Variants in APOB observed in about 807,000 individuals in gnomAD.
APOB encodes apolipoprotein B-100.
Under a neutral mutation model 314.1 loss-of-function variants are expected in APOB, and 153 were observed. That is an observed-to-expected ratio of 0.49 (90% CI 0.43 to 0.56). The LOEUF (loss-of-function observed/expected upper bound fraction) is 0.56. APOB is among the 20% of genes least tolerant of loss of function. The pLI is 0.00. For synonymous variants in APOB, 2,087 were observed against 2,036.4 expected, an observed-to-expected ratio of 1.02 and a Z score of -0.67; for missense variants, 5,430 against 5,350.7, an observed-to-expected ratio of 1.01 and a Z score of -0.46.
rs578011730 is a variant in APOB at position 21,016,699 on chromosome 2, T to C, written c.3122-50A>G. On this transcript the variant is annotated intron_variant, in intron 20 of 28. Coordinates refer to ENST00000233242, the MANE Select transcript of APOB (RefSeq NM_000384.3). The stretch of plus-strand genomic sequence containing the variant: ...AGAGATGTGTGGTAAGAAGCTATGT[T>C]TTGGGCCGGGTGCGGTGGCTCACAC... The C allele has an allele frequency of 4.2e-5, 55 of 1,323,274 alleles. No homozygotes were observed. The South Asian group carries it at 6.0e-4, about 14-fold the overall frequency. The allele number at this position is 1,323,274 out of a possible 1,614,324, so 82.0% of individuals were successfully genotyped here.
intron 16 of APOB, 91 bp downstream of exon 16, chr2:21,024,842 T>C (rs764505028): frequency 5.1e-5 from 70 of 1,360,076 alleles, no homozygotes; most frequent in African/African-American, 7.1e-5. Context: ...CTTTTCGGGC[T>C]TGTGCAGCTG....
chr2:21,020,589 A>G (rs1005643176), intron 18 of APOB, among the ~76,000 whole-genome samples: 6 of 152,238 alleles, frequency 3.9e-5, no homozygotes, highest in African/African-American at 9.6e-5. Flanking sequence ...TGACCAGACT[A>G]AGACGCTGGA....
At position 21,008,419 on chromosome 2, in the gene APOB, G is replaced by A; in HGVS notation, c.8449C>T (p.Pro2817Ser). Residue 2817 changes from proline (P) to serine (S), a missense_variant, in exon 26 of 29, where the codon CCT (proline) becomes TCT (serine). This residue lies in a region of APOB where 3,281 missense variants were observed against 3,171.0 expected (regional missense o/e 1.03). Transcript: ENST00000233242. Reference sequence around the variant, plus strand: ...TTCAGAGCCAGCGGATTAATCTTAGGGTTTGAGAGTTGTGCATTTGCTTGA... The same window carrying A: ...TTCAGAGCCAGCGGATTAATCTTAGAGTTTGAGAGTTGTGCATTTGCTTGA... Reference protein sequence around the residue: ...DFQANAQLSNPKINPLALKES... With the variant: ...DFQANAQLSNSKINPLALKES... 6.2e-7 allele frequency: 1 copy of A among 1,613,996 alleles called. No homozygotes were observed. The highest frequency in any genetic ancestry group is 8.5e-7 in the Non-Finnish European group (1 of 1,179,954).
In APOB at chr2:21,011,214, T is replaced by C. The variant is rs762705866; in HGVS notation, c.5654A>G (p.Tyr1885Cys). ...LASAIDMSTN[Y>C]NSDSLHFSNV... ...GCTGAAATGCAGTGAGTCTGAATTA[T>C]AGTTTGTGCTCATGTCAATGGCTGA... Residue 1885 changes from tyrosine (Y) to cysteine (C), a missense_variant, in exon 26 of 29, where the codon TAT becomes TGT. By Grantham distance (194) the Tyr-to-Cys change is radical. This residue lies in a region of APOB where 3,281 missense variants were observed against 3,171.0 expected (regional missense o/e 1.03). Coordinates refer to ENST00000233242, the MANE Select transcript of APOB (RefSeq NM_000384.3). 4.3e-6 allele frequency: 7 copies of C among 1,614,222 alleles called. No individual in the cohort carries two copies. Among genetic ancestry groups the C allele is most frequent in the Non-Finnish European group, 5.9e-6 (7 of 1,180,032 alleles).
At chr2:21,012,756 A>T (rs1269825756) in intron 25 of APOB, 105 bp from the exon 26 acceptor site, 1 of 1,217,724 alleles carries the variant, frequency 8.2e-7, no homozygotes, top group Non-Finnish European at 1.2e-6. Context: ...TTCTGGGCCA[A>T]TTGTGCAATA....
intron 25 of APOB, among the ~76,000 whole-genome samples, 192 bp downstream of exon 25, chr2:21,012,968 G>A (rs143365566): frequency 6.6e-6 from 1 of 152,232 alleles, no homozygotes; most frequent in East Asian, 1.9e-4. Flanking sequence ...TTCTGTTACT[G>A]CCTACTAGAA....
intron 7 of APOB, 135 bp downstream of exon 7, chr2:21,035,449 C>G: frequency 8.6e-7 from 1 of 1,160,176 alleles, no homozygotes. Flanking sequence ...AAAAGGGGGA[C>G]AGGGAGGGGC....
At chr2:21,036,069 G>T (rs1663995404) in intron 6 of APOB, among the ~76,000 whole-genome samples, 2 of 152,108 alleles carry the variant, frequency 1.3e-5, no homozygotes, top group Admixed American at 1.3e-4. Context: ...TTGGGTTCCT[G>T]CTCCACATCT....
chr2:21,029,236 G>A (rs1663817887), intron 12 of APOB, among the ~76,000 whole-genome samples: 1 of 152,190 alleles, frequency 6.6e-6, no homozygotes, highest in South Asian at 2.1e-4. Context: ...GATCACCTGA[G>A]GTCAGGAGCT....
Position 21,011,550 on chromosome 2 carries a change from ATGT to A in APOB, c.5315_5317del (p.Asn1772del). On this transcript the variant is annotated inframe_deletion, in exon 26 of 29. Coordinates refer to ENST00000233242, the MANE Select transcript of APOB (RefSeq NM_000384.3). ...CTTATAAAACTTGTCAGAGCTGTAA[ATGT>A]TGTCAAGTTTTGAAGAGAAGTCCAG... 1 of 1,614,172 alleles carries A rather than the reference ATGT, an allele frequency of 6.2e-7. No homozygotes were observed. The highest frequency in any genetic ancestry group is 8.5e-7 in the Non-Finnish European group (1 of 1,180,000).
rs1572800245 is a variant in APOB, at chr2:21,034,903, T to C, written c.819-2A>G. ...TGTGCTACCATCCCATACTTATTCC[T>C]GGTAACCAAGGAAGCACACCATGTC... On this transcript the variant is annotated splice_acceptor_variant, in intron 7 of 28. Transcript: ENST00000233242. LOFTEE classifies it high-confidence loss of function. The C allele has an allele frequency of 1.3e-6, 2 of 1,519,592 alleles. No individual in the cohort carries two copies. Among genetic ancestry groups the C allele is most frequent in the Non-Finnish European group, 9.1e-7 (1 of 1,093,770 alleles). 94.1% of individuals were successfully genotyped at this position (1,519,592 alleles called of 1,614,324 possible).
In APOB at chr2:21,035,592, G is replaced by C; in HGVS notation, c.810C>G (p.Phe270Leu). The C allele has an allele frequency of 6.2e-7, 1 of 1,614,076 alleles. No individual in the cohort carries two copies. ...TGCATCACATGACCTACTTGTAGGA[G>C]AAAGGCAGGAAGAGGTGTTGCTCCT... ...ICKEQHLFLP[F>L]SYKNKYGMVA... The change falls in exon 7 of 29, where the codon TTC (phenylalanine) becomes TTG (leucine). Residue 270 changes from phenylalanine (F) to leucine (L), a missense_variant. Transcript: ENST00000233242.
At chr2:21,016,991 A>AAAAAAAAT (rs1440745048) in intron 20 of APOB, among the ~76,000 whole-genome samples, 3 of 81,322 alleles carry the variant, frequency 3.7e-5, no homozygotes, top group African/African-American at 5.4e-5. Context: ...CTCAAAAAAT[A>AAAAAAAAT]AATAAATAAA....
At chr2:21,030,888 A>C (rs1330009430) in intron 10 of APOB, among the ~76,000 whole-genome samples, 2 of 152,250 alleles carry the variant, frequency 1.3e-5, no homozygotes, top group African/African-American at 4.8e-5. Flanking sequence ...AATGTAAATT[A>C]AAACCACAAT....
Position 21,013,360 on chromosome 2 carries a change from G to A in APOB, c.4016C>T (p.Thr1339Ile), listed in dbSNP as rs781507522. 2 of 1,614,246 alleles carry A rather than the reference G, an allele frequency of 1.2e-6. No individual in the cohort carries two copies. The highest frequency in any genetic ancestry group is 2.2e-5 in the South Asian group (2 of 91,084). The stretch of plus-strand genomic sequence containing the variant: ...TTGATACAACTTGGGAATGGTAAAA[G>A]TAGGGACTTGGAACTCTCGAGATGG... ...HLPSREFQVP[T>I]FTIPKLYQLQ... The change falls in exon 25 of 29, where the codon ACT becomes ATT. Residue 1339 changes from threonine to isoleucine, a missense_variant. Physicochemically the swap from Thr to Ile is moderately conservative, Grantham distance 89. Transcript: ENST00000233242.
intron 6 of APOB, among the ~76,000 whole-genome samples, 169 bp downstream of exon 6, chr2:21,036,931 G>C (rs1664016047): frequency 6.6e-6 from 1 of 152,194 alleles, no homozygotes; most frequent in Non-Finnish European, 1.5e-5. Flanking sequence ...CCCAGGCCGT[G>C]AAGCCTGGGC....
rs1447378910 is a variant in APOB at position 21,015,061 on chromosome 2, A to G, written c.3696+12T>C. 22 of 1,611,874 alleles carry G rather than the reference A, an allele frequency of 1.4e-5. No individual in the cohort carries two copies. The highest frequency in any genetic ancestry group is 1.8e-5 in the Non-Finnish European group (21 of 1,178,240). ...TATCCATGTATTTATTGACTGGCAGACTCATACTTACAACTATTAATTTGG... is the reference window on the plus strand; with the variant it reads ...TATCCATGTATTTATTGACTGGCAGGCTCATACTTACAACTATTAATTTGG... On this transcript the variant is annotated intron_variant, in intron 23 of 28. Transcript: ENST00000233242.
chr2:21,038,316 CT>C (rs958603624), intron 4 of APOB, among the ~76,000 whole-genome samples: 2 of 151,062 alleles, frequency 1.3e-5, no homozygotes, highest in African/African-American at 2.4e-5. Context: ...TTTGGTGATT[CT>C]TTTTTTTTCT....
intron 14 of APOB, 90 bp from the exon 15 acceptor site, chr2:21,027,054 A>C: frequency 8.2e-7 from 1 of 1,219,826 alleles, no homozygotes; most frequent in Non-Finnish European, 1.2e-6. Context: ...CCATTTATCT[A>C]AACAAGTATT....
Sources: allele counts gnomAD v4.1 joint callset (sites outside exome capture counted in the v4.1 genomes callset), GRCh38; gene constraint gnomAD v4.1.1; regional missense constraint gnomAD v4.1.1; transcripts MANE v1.5; gene names NCBI Gene and HGNC (gene_info 2026-07-23, HGNC 2026-07-21).